Variants in PTK2 observed in about 807,000 individuals in gnomAD.
PTK2 encodes the protein protein tyrosine kinase 2, also known as focal adhesion kinase 1.
In PTK2, 45 loss-of-function variants were observed where a neutral mutation model predicts 150.1. The observed-to-expected ratio is 0.30, with a 90% CI of 0.24 to 0.38. The LOEUF is 0.38. Among genes scored for constraint, PTK2 ranks in the 10% least tolerant of loss-of-function variants. The pLI, the probability that PTK2 is intolerant of heterozygous loss-of-function variation, is 1.00. For synonymous variants in PTK2, 432 were observed against 449.2 expected (o/e 0.96, Z 0.48); for missense variants, 919 against 1,307.3 (o/e 0.70, Z 4.58).
chr8:140,900,615 G>A (rs751462768), intron 2 of PTK2, among the ~76,000 whole-genome samples: 17 of 152,030 alleles, frequency 1.1e-4, no homozygotes, highest in East Asian at 1.9e-4. Context: ...CCAGCTACTC[G>A]AGAAGCTGAG....
chr8:140,954,045 G>A (rs1014068685), intron 1 of PTK2, among the ~76,000 whole-genome samples: 1 of 150,974 alleles, frequency 6.6e-6, no homozygotes, highest in East Asian at 1.9e-4. Context: ...TCGGCTCACT[G>A]TAACCTCCAC....
chr8:140,724,718 T>G (rs1451624776), intron 22 of PTK2, among the ~76,000 whole-genome samples: 3 of 152,246 alleles, frequency 2.0e-5, no homozygotes, highest in African/African-American at 4.8e-5. Flanking sequence ...TTTTGAAACA[T>G]GATTTCTTAT....
At chr8:140,792,225 T>C (rs2100088918) in intron 13 of PTK2, among the ~76,000 whole-genome samples, 1 of 152,240 alleles carries the variant, frequency 6.6e-6, no homozygotes, top group Non-Finnish European at 1.5e-5. Flanking sequence ...ATGTGGTTTA[T>C]GCTGAACTCT....
intron 20 of PTK2, among the ~76,000 whole-genome samples, chr8:140,740,278 T>C (rs900186561): frequency 2.0e-5 from 3 of 152,182 alleles, no homozygotes; most frequent in African/African-American, 7.2e-5. Flanking sequence ...ACATGCCAAG[T>C]GTCCTGAAAG....
intron 19 of PTK2, among the ~76,000 whole-genome samples, chr8:140,743,827 G>C (rs1352389227): frequency 1.3e-5 from 2 of 151,070 alleles, no homozygotes; most frequent in Admixed American, 6.6e-5. Context: ...GCCCAGGCTG[G>C]AGGGCAGTGG....
chr8:140,696,393 C>A lies in PTK2; in HGVS notation c.2499+4498G>T, dbSNP rs141313305. 3.4e-3 allele frequency among the ~76,000 whole-genome samples: 515 copies of A among 152,220 alleles called. 5 individuals carry two copies. Among genetic ancestry groups the A allele is most frequent in the Middle Eastern group, 0.02 (6 of 294 alleles). On this transcript the variant is annotated intron_variant, in intron 26 of 31. Coordinates refer to ENST00000522684, the Ensembl canonical transcript of PTK2. ...GAGTGCAGGGGGTTGGGGGAGAGAA[C>A]GCAGTAGTGCACATCATAATAAAAT...
At chr8:140,809,198 G>C (rs540770798) in intron 10 of PTK2, among the ~76,000 whole-genome samples, 1 of 152,098 alleles carries the variant, frequency 6.6e-6, no homozygotes, top group South Asian at 2.1e-4. Context: ...CAATAAAAAA[G>C]ACAAAAATAA....
exon 32 of PTK2, chr8:140,659,549 C>T (rs780383970): frequency 1.2e-6 from 2 of 1,613,826 alleles, no homozygotes; most frequent in Non-Finnish European, 1.7e-6. Flanking sequence ...ACAGCCAGGG[C>T]GTGAGCAGCA....
At chr8:140,761,065 A>G (rs2100069151) in intron 16 of PTK2, 100 bp downstream of exon 19, 1 of 773,880 alleles carries the variant, frequency 1.3e-6, no homozygotes, top group South Asian at 1.7e-5. Context: ...CGTAAATATT[A>G]ATACCTAGAA....
chr8:140,694,263 G>A (rs1479736084), intron 26 of PTK2, among the ~76,000 whole-genome samples: 1 of 151,990 alleles, frequency 6.6e-6, no homozygotes, highest in Admixed American at 6.6e-5. Flanking sequence ...GGATGGTCTC[G>A]ATCTCCTGAC....
chr8:140,818,270 G>T lies in PTK2; in HGVS notation c.867+7C>A. 1 of 1,609,694 alleles carries T rather than the reference G, an allele frequency of 6.2e-7. No homozygotes were observed. Among genetic ancestry groups the T allele is most frequent in the East Asian group, 2.2e-5 (1 of 44,866 alleles). On this transcript the variant is annotated splice_region_variant and intron_variant, in intron 10 of 31. Transcript: ENST00000522684. ...GCCAAGTTCCCGAAAGGTCAGAGCA[G>T]ACTTACATTGCAGCCCTTGTCCGTT...
At chr8:140,778,091 G>A (rs547163429) in intron 14 of PTK2, among the ~76,000 whole-genome samples, 2 of 152,180 alleles carry the variant, frequency 1.3e-5, no homozygotes, top group South Asian at 4.1e-4. Context: ...CTTGCTGCAC[G>A]TTGGGAAAAA....
At chr8:140,675,594 T>C in intron 27 of PTK2, 95 bp from the exon 31 acceptor site, 1 of 914,388 alleles carries the variant, frequency 1.1e-6, no homozygotes. Flanking sequence ...CTTGAACTTC[T>C]AGGCTAGATT....
intron 1 of PTK2, among the ~76,000 whole-genome samples, chr8:140,998,934 A>T (rs1361852443): frequency 6.6e-6 from 1 of 152,182 alleles, no homozygotes; most frequent in African/African-American, 2.4e-5. Flanking sequence ...AAGTTATGTA[A>T]TTTCCATCAA....
chr8:140,727,425 A>T (rs1442108100), intron 22 of PTK2, among the ~76,000 whole-genome samples: 1 of 151,964 alleles, frequency 6.6e-6, no homozygotes, highest in Non-Finnish European at 1.5e-5. Context: ...TTTTAACTGT[A>T]CGTAGCTATA....
intron 23 of PTK2, among the ~76,000 whole-genome samples, chr8:140,712,801 A>T (rs1339458557): frequency 6.6e-6 from 1 of 152,206 alleles, no homozygotes; most frequent in African/African-American, 2.4e-5. Flanking sequence ...TCACGGTAAT[A>T]AGTTTTTCAA....
intron 2 of PTK2, among the ~76,000 whole-genome samples, chr8:140,914,931 G>A (rs1474537959): frequency 6.6e-6 from 1 of 150,676 alleles, no homozygotes; most frequent in East Asian, 2.0e-4. Context: ...TACTCGGGAG[G>A]CTGAGGCAGG....
intron 10 of PTK2, among the ~76,000 whole-genome samples, chr8:140,807,547 G>A (rs1596413178): frequency 6.6e-6 from 1 of 152,310 alleles, no homozygotes; most frequent in South Asian, 2.1e-4. Flanking sequence ...TCTGAGATGT[G>A]CTGTTCAACT....
intron 23 of PTK2, among the ~76,000 whole-genome samples, chr8:140,709,465 C>A (rs1262797190): frequency 1.3e-5 from 2 of 152,202 alleles, no homozygotes; most frequent in Non-Finnish European, 2.9e-5. Flanking sequence ...AATAGCTCTA[C>A]TTCTGTTCTC....
Sources: allele counts gnomAD v4.1 joint callset (sites outside exome capture counted in the v4.1 genomes callset), GRCh38; gene constraint gnomAD v4.1.1; transcripts MANE v1.5; gene names NCBI Gene and HGNC (gene_info 2026-07-23, HGNC 2026-07-21).